Variants in SEZ6L observed in about 807,000 individuals in gnomAD.
The protein encoded by SEZ6L is seizure 6-like protein.
A neutral mutation model predicts 106.2 loss-of-function variants in SEZ6L; 37 were observed. The ratio of observed to expected loss-of-function variants is 0.35; its 90% CI spans 0.27 to 0.46. The LOEUF (loss-of-function observed/expected upper bound fraction) is 0.46. Among genes scored for constraint, SEZ6L ranks in the 20% least tolerant of loss-of-function variants. The pLI, the probability that SEZ6L is intolerant of heterozygous loss-of-function variation, is 1.00. For missense variants in SEZ6L, 1,172 were observed against 1,332.8 expected (o/e 0.88, Z 1.88); for synonymous variants, 541 against 570.4 (o/e 0.95, Z 0.73).
At chr22:26,320,041 G>T (rs1388024315) in intron 9 of SEZ6L, among the ~76,000 whole-genome samples, 2 of 152,156 alleles carry the variant, frequency 1.3e-5, no homozygotes, top group East Asian at 3.8e-4. Context: ...CAGGGAACCT[G>T]GTTGATAAGA....
chr22:26,347,655 A>G, intron 10 of SEZ6L, 64 bp from the exon 11 acceptor site: 1 of 1,414,082 alleles, frequency 7.1e-7, no homozygotes. Context: ...TCTAGCCGTC[A>G]TAAAAGGAGG....
At chr22:26,329,987 A>C (rs1051880415) in intron 9 of SEZ6L, among the ~76,000 whole-genome samples, 3 of 152,262 alleles carry the variant, frequency 2.0e-5, no homozygotes, top group Non-Finnish European at 4.4e-5. Flanking sequence ...TTCCATAAAG[A>C]TCTTGCCTGA....
intron 1 of SEZ6L, among the ~76,000 whole-genome samples, chr22:26,170,434 C>T (rs996597129): frequency 3.3e-5 from 5 of 152,054 alleles, no homozygotes; most frequent in African/African-American, 1.2e-4. Context: ...GGGCTCCCCT[C>T]TACTCTCTCC....
intron 1 of SEZ6L, among the ~76,000 whole-genome samples, chr22:26,189,106 AG>A (rs1229094592): frequency 6.6e-6 from 1 of 152,204 alleles, no homozygotes; most frequent in African/African-American, 2.4e-5. Flanking sequence ...GAGTCTGGGA[AG>A]GAACAGAAAC....
At chr22:26,329,023 C>T (rs73158638) in intron 9 of SEZ6L, among the ~76,000 whole-genome samples, 11,033 of 152,134 alleles carry the variant, frequency 0.073, 502 homozygotes, top group Middle Eastern at 0.16. Flanking sequence ...TTTAAACCTC[C>T]GCGGGGATTC....
At chr22:26,359,772 C>A (rs1463051332) in intron 12 of SEZ6L, among the ~76,000 whole-genome samples, 1 of 152,082 alleles carries the variant, frequency 6.6e-6, no homozygotes, top group Non-Finnish European at 1.5e-5. Context: ...CACTGCACTC[C>A]AGCCTGGGTG....
rs1229794374 is a variant in SEZ6L at position 26,316,892 on chromosome 22, G to GAAGAAAGAA, written c.2015+2991_2015+2992insAGAAAGAAA. Among the ~76,000 whole-genome samples, 770 of 103,696 alleles carry GAAGAAAGAA rather than the reference G, an allele frequency of 7.4e-3. 16 individuals carry two copies. Among genetic ancestry groups the GAAGAAAGAA allele is most frequent in the Admixed American group, 0.049 (476 of 9,752 alleles). The allele number at this position is 103,696 out of a possible 152,430, so 68.0% of individuals were successfully genotyped here. ...AGAAGGAAAGAAAGAAAGAAAGAAA[G>GAAGAAAGAA]AGAAAGAAAGAAGAAAGAAAGAAAG... is the stretch of plus-strand genomic sequence containing the variant. On this transcript the variant is annotated intron_variant, in intron 9 of 16. Coordinates refer to ENST00000248933, the MANE Select transcript of SEZ6L (RefSeq NM_021115.5).
intron 1 of SEZ6L, among the ~76,000 whole-genome samples, chr22:26,189,670 C>G (rs528192021): frequency 6.6e-6 from 1 of 152,034 alleles, no homozygotes; most frequent in East Asian, 1.9e-4. Flanking sequence ...ATAAGTTGTA[C>G]GCAAATACTA....
At position 26,351,089 on chromosome 22, in the gene SEZ6L, G is replaced by A. The variant is rs140063137; in HGVS notation, c.2445G>A (p.Ser815=). The A allele has an allele frequency of 1.1e-5, 17 of 1,614,018 alleles. No individual in the cohort carries two copies. The African/African-American group carries it at 1.1e-4, about 10-fold the overall frequency. The change falls in exon 12 of 17, where the codon TCG becomes TCA. Residue 815 remains serine (S), a synonymous_variant. Coordinates refer to ENST00000248933, the MANE Select transcript of SEZ6L (RefSeq NM_021115.5). ...CCGACCCCGGAGAGGTGGATCACTC[G>A]ACCCGCTTAATTTCGGATCCTGTGC... ...YCTDPGEVDH[S]TRLISDPVLL...
intron 1 of SEZ6L, among the ~76,000 whole-genome samples, chr22:26,207,470 T>G (rs905999602): frequency 6.6e-6 from 1 of 152,192 alleles, no homozygotes; most frequent in Admixed American, 6.5e-5. Flanking sequence ...GTAAAGTACC[T>G]GGCACATCAT....
In SEZ6L at chr22:26,313,783, C is replaced by A; in HGVS notation, c.1896C>A (p.Leu632=). The change falls in exon 9 of 17, where the codon CTC becomes CTA. Residue 632 remains leucine (L), a synonymous_variant. Transcript: ENST00000248933. ...PLCRAMCGGE[L]SAVAGVVLSP... is the part of the protein sequence containing the mutation. ...TTACAGCCATGTGTGGTGGGGAGCT[C>A]TCTGCTGTGGCTGGGGTGGTATTGT... The A allele has an allele frequency of 6.2e-7, 1 of 1,611,310 alleles. No individual in the cohort carries two copies.
intron 3 of SEZ6L, among the ~76,000 whole-genome samples, chr22:26,295,298 G>A (rs548554211): frequency 2.0e-5 from 3 of 152,306 alleles, no homozygotes; most frequent in South Asian, 4.1e-4. Flanking sequence ...AGCAGAAATC[G>A]CGACCATGCA....
chr22:26,208,728 T>A (rs1385615514), intron 1 of SEZ6L, among the ~76,000 whole-genome samples: 1 of 152,104 alleles, frequency 6.6e-6, no homozygotes, highest in Non-Finnish European at 1.5e-5. Context: ...CCTGCTGGAG[T>A]TGGCTAACTC....
At chr22:26,367,384 C>G (rs1230227439) in intron 13 of SEZ6L, among the ~76,000 whole-genome samples, 6 of 152,090 alleles carry the variant, frequency 3.9e-5, no homozygotes, top group Non-Finnish European at 7.4e-5. Flanking sequence ...TACTCTGTTG[C>G]ACAGGCTGGA....
chr22:26,352,855 T>G (rs2146027011), intron 12 of SEZ6L, among the ~76,000 whole-genome samples: 1 of 152,320 alleles, frequency 6.6e-6, no homozygotes, highest in South Asian at 2.1e-4. Context: ...TCCTCTCTGC[T>G]CTATTCATGA....
At chr22:26,292,141 A>AAAGGAAGG (rs1480190561) in intron 1 of SEZ6L, 6 of 301,808 alleles carry the variant, frequency 2.0e-5, no homozygotes, top group Non-Finnish European at 3.2e-5. Flanking sequence ...GGAAAGAAAG[A>AAAGGAAGG]AAGAAAGGAA....
chr22:26,264,463 CA>C lies in SEZ6L; in HGVS notation c.95-27939del, dbSNP rs1235277836. Among the ~76,000 whole-genome samples, 4 of 152,176 alleles carry C rather than the reference CA, an allele frequency of 2.6e-5. No homozygotes were observed. In the East Asian group the frequency reaches 7.7e-4, roughly 29 times the overall value. Reference sequence around the variant, plus strand: ...CTGTATGACTTCCAGAATTTAATGCCAAAATGGGTCATTAGATAGAACCCAT... The same window carrying C: ...CTGTATGACTTCCAGAATTTAATGCCAAATGGGTCATTAGATAGAACCCAT... On this transcript the variant is annotated intron_variant, in intron 1 of 16. Coordinates refer to ENST00000248933, the MANE Select transcript of SEZ6L (RefSeq NM_021115.5).
chr22:26,357,061 C>T (rs1445592116), intron 12 of SEZ6L, among the ~76,000 whole-genome samples: 2 of 151,932 alleles, frequency 1.3e-5, no homozygotes, highest in African/African-American at 2.4e-5. Flanking sequence ...ACGCCATTCT[C>T]CTGCCTCAGG....
intron 13 of SEZ6L, among the ~76,000 whole-genome samples, chr22:26,366,111 C>T (rs2083802571): frequency 6.6e-6 from 1 of 152,068 alleles, no homozygotes; most frequent in Admixed American, 6.5e-5. Flanking sequence ...GCAGGCATAT[C>T]ACTTGAGGTC....
Sources: allele counts gnomAD v4.1 joint callset (sites outside exome capture counted in the v4.1 genomes callset), GRCh38; gene constraint gnomAD v4.1.1; transcripts MANE v1.5; gene names NCBI Gene and HGNC (gene_info 2026-07-23, HGNC 2026-07-21).